The following C10orf143 variants were observed in gnomAD, a reference collection of about 807,000 sequenced individuals.
C10orf143 encodes the protein uncharacterized protein C10orf143.
chr10:130,106,294 T>G (rs1861645889), intron 1 of C10orf143: 6 of 1,585,976 alleles, frequency 3.8e-6, no homozygotes, highest in Non-Finnish European at 5.2e-6. Flanking sequence ...TAATGCTTTC[T>G]GGACTAATTG....
At chr10:130,100,787 TCAAA>T (rs1263076336) in intron 1 of C10orf143, among the ~76,000 whole-genome samples, 1 of 151,818 alleles carries the variant, frequency 6.6e-6, no homozygotes, top group Non-Finnish European at 1.5e-5. Context: ...CAATCAAAAA[TCAAA>T]CACAGAAAAG....
At chr10:130,063,274 G>C (rs1417150370), downstream of C10orf143, among the ~76,000 whole-genome samples, 1 of 152,148 alleles carries the variant, frequency 6.6e-6, no homozygotes, top group Non-Finnish European at 1.5e-5. Flanking sequence ...AAAAGAACAT[G>C]CTGTCCATCT....
rs1285270206 is a variant in C10orf143 at position 130,064,085 on chromosome 10, T to C, written c.*269A>G. 1 of 336,666 alleles carries C rather than the reference T, an allele frequency of 3.0e-6. No individual in the cohort carries two copies. The highest frequency in any genetic ancestry group is 5.3e-6 in the Non-Finnish European group (1 of 187,822). 20.9% of individuals were successfully genotyped at this position (336,666 alleles called of 1,614,324 possible). ...GTAAATAATGCAATTGATCTCCCTCTCAACCAGGAACATTCGAAAGGAGGC... is the reference window on the plus strand; with the variant it reads ...GTAAATAATGCAATTGATCTCCCTCCCAACCAGGAACATTCGAAAGGAGGC... On this transcript the variant is annotated 3_prime_UTR_variant, in exon 4 of 4. Coordinates refer to ENST00000637128, the MANE Select transcript of C10orf143 (RefSeq NM_001355042.2).
chr10:130,088,681 G>C (rs1386348298), intron 1 of C10orf143, among the ~76,000 whole-genome samples: 1 of 152,216 alleles, frequency 6.6e-6, no homozygotes, highest in Non-Finnish European at 1.5e-5. Context: ...GGATGGAGCA[G>C]CTGATACGGA....
intron 1 of C10orf143, among the ~76,000 whole-genome samples, chr10:130,101,855 A>AAAG (rs1861558092): frequency 2.8e-5 from 1 of 35,694 alleles, no homozygotes; most frequent in African/African-American, 8.6e-5. Context: ...GTCTCAAAAA[A>AAAG]AAAAAAAACC....
rs1860794338 is a variant in C10orf143, at chr10:130,056,276, G to A, written c.298-20306C>T. Among the ~76,000 whole-genome samples the A allele has an allele frequency of 6.6e-6, 1 of 152,184 alleles. No individual in the cohort carries two copies. The highest frequency in any genetic ancestry group is 1.5e-5 in the Non-Finnish European group (1 of 68,040). ...TCTTTGGGATCCTGCCCAGAGGGAA[G>A]CGCTGCCCCTCATGGCTCCAAGCTC... On this transcript the variant is annotated intron_variant and NMD_transcript_variant, in intron 3 of 5. Transcript: ENST00000643056. The surrounding 1 kb of genome is among the most constrained non-coding windows in gnomAD (Gnocchi z 4.6).
At chr10:130,082,187 T>C in intron 1 of C10orf143, among the ~76,000 whole-genome samples, 1 of 152,140 alleles carries the variant, frequency 6.6e-6, no homozygotes, top group Admixed American at 6.5e-5. Context: ...GATCTTCTTT[T>C]TTTTTTTAGA....
chr10:130,108,662 T>C (rs1226697153), intron 1 of C10orf143, among the ~76,000 whole-genome samples: 1 of 152,234 alleles, frequency 6.6e-6, no homozygotes, highest in Non-Finnish European at 1.5e-5. Context: ...ACTATTTTAA[T>C]TTGATTAATC....
intron 3 of C10orf143, among the ~76,000 whole-genome samples, chr10:130,049,398 CT>C (rs1860712420): frequency 6.6e-6 from 1 of 152,208 alleles, no homozygotes; most frequent in Non-Finnish European, 1.5e-5. Flanking sequence ...CTCCAAACGA[CT>C]GATTCCAAGT....
At chr10:130,085,252 T>C (rs1282094666) in intron 1 of C10orf143, among the ~76,000 whole-genome samples, 1 of 152,196 alleles carries the variant, frequency 6.6e-6, no homozygotes, top group Non-Finnish European at 1.5e-5. Context: ...CCAAGATTCG[T>C]ATTAATTGTA....
downstream of C10orf143, among the ~76,000 whole-genome samples, chr10:130,059,987 G>C (rs1189909694): frequency 1.3e-5 from 2 of 152,166 alleles, no homozygotes; most frequent in African/African-American, 4.8e-5. Flanking sequence ...CTCTTTAGGA[G>C]AGACATTGAA....
chr10:130,054,854 C>T (rs1860777816), intron 3 of C10orf143, among the ~76,000 whole-genome samples: 1 of 152,100 alleles, frequency 6.6e-6, no homozygotes, highest in Non-Finnish European at 1.5e-5. Flanking sequence ...ATAGTACTGA[C>T]ATAAAGACAA....
At chr10:130,090,767 C>T (rs558749211) in intron 1 of C10orf143, among the ~76,000 whole-genome samples, 49 of 152,218 alleles carry the variant, frequency 3.2e-4, no homozygotes, top group Non-Finnish European at 5.7e-4. Flanking sequence ...CTTGAGTAGG[C>T]GGTTTTCCCC....
chr10:130,107,616 G>A (rs770489823), intron 1 of C10orf143: 2 of 1,343,264 alleles, frequency 1.5e-6, no homozygotes, highest in African/African-American at 1.4e-5. Context: ...TCATTGGGTC[G>A]GCCTTCATCT....
At chr10:130,070,111 C>A (rs1165771096) in intron 3 of C10orf143, among the ~76,000 whole-genome samples, 2 of 152,208 alleles carry the variant, frequency 1.3e-5, no homozygotes, top group Admixed American at 6.5e-5. Flanking sequence ...TTTTATCAGA[C>A]AATGCAGTCA....
intron 1 of C10orf143, among the ~76,000 whole-genome samples, chr10:130,105,673 T>C (rs1289514499): frequency 6.6e-6 from 1 of 152,082 alleles, no homozygotes; most frequent in Non-Finnish European, 1.5e-5. Flanking sequence ...GAGGTTGCAG[T>C]GAGCCAAGAT....
intron 3 of C10orf143, among the ~76,000 whole-genome samples, chr10:130,046,171 C>T (rs1348744487): frequency 7.0e-6 from 1 of 143,190 alleles, no homozygotes; most frequent in Non-Finnish European, 1.5e-5. Context: ...GCGAGAGGTG[C>T]TAAGTGGGGC....
Position 130,064,004 on chromosome 10 carries a change from C to T in C10orf143, c.*350G>A, listed in dbSNP as rs961300527. 2.9e-5 allele frequency: 6 copies of T among 209,636 alleles called. No individual in the cohort carries two copies. The highest frequency in any genetic ancestry group is 4.7e-5 in the Non-Finnish European group (5 of 106,100). The allele number at this position is 209,636 out of a possible 1,614,324, so 13.0% of individuals were successfully genotyped here. A position where few individuals can be genotyped will look rare whatever the true frequency, so the allele number is the denominator to read the frequency against. Reference sequence around the variant, plus strand: ...GGCGGGGCTGCGTCTGGGTGGGCCTCCATAGGCCATGAGTGCCCAAGCTCA... The same window carrying T: ...GGCGGGGCTGCGTCTGGGTGGGCCTTCATAGGCCATGAGTGCCCAAGCTCA... On this transcript the variant is annotated 3_prime_UTR_variant, in exon 4 of 4. Transcript: ENST00000637128.
chr10:130,093,416 T>C (rs762089700), intron 1 of C10orf143, among the ~76,000 whole-genome samples: 1 of 151,882 alleles, frequency 6.6e-6, no homozygotes, highest in African/African-American at 2.4e-5. Flanking sequence ...GCTAAAGCAG[T>C]GTTTAGAGGG....
Sources: allele counts gnomAD v4.1 joint callset (sites outside exome capture counted in the v4.1 genomes callset), GRCh38; gene constraint gnomAD v4.1.1; non-coding constraint Gnocchi (gnomAD v3.1); transcripts MANE v1.5; gene names NCBI Gene and HGNC (gene_info 2026-07-23, HGNC 2026-07-21).